The following ACOX3 variants were observed in gnomAD, a reference collection of about 807,000 sequenced individuals.
The protein encoded by ACOX3 is peroxisomal acyl-coenzyme A oxidase 3.
ACOX3 carries 73 observed loss-of-function variants against 81.5 expected under a neutral mutation model. The ratio of observed to expected loss-of-function variants is 0.90; its 90% CI spans 0.74 to 1.09. The LOEUF (loss-of-function observed/expected upper bound fraction) is 1.09, where lower values mean the gene tolerates loss of function less well. Ranked by LOEUF, ACOX3 falls within the 50% of genes least tolerant of loss-of-function variation. The pLI is 0.00. For missense variants in ACOX3, 947 were observed against 928.0 expected (o/e 1.02, Z -0.27); for synonymous variants, 387 against 375.1 (o/e 1.03, Z -0.37).
intron 1 of ACOX3, among the ~76,000 whole-genome samples, chr4:8,426,322 C>G (rs1205829591): frequency 6.6e-6 from 1 of 151,982 alleles, no homozygotes; most frequent in Non-Finnish European, 1.5e-5. Flanking sequence ...TTTTATCTAC[C>G]CTGAGTGCAG....
intron 5 of ACOX3, among the ~76,000 whole-genome samples, chr4:8,410,719 T>C (rs1198155760): frequency 2.0e-5 from 3 of 152,220 alleles, no homozygotes; most frequent in African/African-American, 7.2e-5. Flanking sequence ...GTCTGTGCCC[T>C]GTGGGCAGGG....
chr4:8,396,983 C>A lies in ACOX3; in HGVS notation c.1010G>T (p.Gly337Val). ...TGGTATTTCCTCCTCCTCTGTGGGT[C>A]CAAACTGACGCCGAGTGGCTGAGAA... is the stretch of plus-strand genomic sequence containing the variant. Reference protein sequence around the residue: ...LRFSATRRQFGPTEEEEIPVL... With the variant: ...LRFSATRRQFVPTEEEEIPVL... Residue 337 changes from glycine (G) to valine (V), a missense_variant, in exon 9 of 18, where the codon GGA becomes GTA. By Grantham distance (109) the Gly-to-Val change is moderately radical. Coordinates refer to ENST00000356406, the MANE Select transcript of ACOX3 (RefSeq NM_003501.3). 1 of 1,612,052 alleles carries A rather than the reference C, an allele frequency of 6.2e-7. No individual in the cohort carries two copies. Among genetic ancestry groups the A allele is most frequent in the Non-Finnish European group, 8.5e-7 (1 of 1,179,230 alleles).
chr4:8,377,501 C>T (rs1004513189), intron 14 of ACOX3, among the ~76,000 whole-genome samples: 1 of 152,220 alleles, frequency 6.6e-6, no homozygotes, highest in Non-Finnish European at 1.5e-5. Flanking sequence ...GTCATGGCTC[C>T]AAGCCTCAGC....
chr4:8,395,828 T>C (rs563470287), intron 9 of ACOX3, among the ~76,000 whole-genome samples: 3 of 152,062 alleles, frequency 2.0e-5, no homozygotes, highest in Admixed American at 2.0e-4. Flanking sequence ...TCAAAGGATG[T>C]GGACAGAAAC....
Position 8,405,820 on chromosome 4 carries a change from C to T in ACOX3, c.776+135G>A, listed in dbSNP as rs879550635. On this transcript the variant is annotated intron_variant, in intron 7 of 17. Coordinates refer to ENST00000356406, the MANE Select transcript of ACOX3 (RefSeq NM_003501.3). This position sits in a 1 kb window ranked among gnomAD's most constrained non-coding sequence, Gnocchi z 7.1. ...GGCCAGTGCATGCACGGGGGCTAGG[C>T]GTAGGTCCCCACCGCATTTGAGTCT... is the stretch of plus-strand genomic sequence containing the variant. 3.8e-5 allele frequency: 34 copies of T among 894,906 alleles called. No homozygotes were observed. The highest frequency in any genetic ancestry group is 2.4e-4 in the East Asian group (10 of 41,456). The allele number at this position is 894,906 out of a possible 1,614,324, so 55.4% of individuals were successfully genotyped here.
intron 3 of ACOX3, among the ~76,000 whole-genome samples, chr4:8,415,455 G>GT (rs1374273813): frequency 2.7e-5 from 4 of 146,278 alleles, no homozygotes; most frequent in East Asian, 2.0e-4. Flanking sequence ...TTTGTATGAG[G>GT]TAAAAAAAAA....
the ACOX3 span, chr4:8,358,193 C>G: frequency 6.6e-6 from 1 of 152,184 alleles, no homozygotes; most frequent in African/African-American, 2.4e-5. Context: ...GCAAAGCTGT[C>G]TCTCATGGGG....
chr4:8,357,472 T>A, the ACOX3 span: 8 of 341,334 alleles, frequency 2.3e-5, 1 homozygote, highest in Non-Finnish European at 3.5e-5. Context: ...TGATATCTAT[T>A]TTCATCTTTA....
rs1388539893 is a variant in ACOX3, at chr4:8,416,907, C to G, written c.-14-372G>C. 1.3e-5 allele frequency among the ~76,000 whole-genome samples: 2 copies of G among 152,226 alleles called. No homozygotes were observed. The highest frequency in any genetic ancestry group is 2.4e-5 in the African/African-American group (1 of 41,460). ...CATCCAGACTCATCCCCAAGGCTCA[C>G]TAAACCCAGGGTCAGGAAGCATTCC... On this transcript the variant is annotated intron_variant, in intron 1 of 17. Transcript: ENST00000356406. This position sits in a 1 kb window ranked among gnomAD's most constrained non-coding sequence, Gnocchi z 4.2.
At position 8,389,411 on chromosome 4, in the gene ACOX3, G is replaced by T. The variant is rs761655620; in HGVS notation, c.1424-125C>A. ...ACCCGACGGCCACAGACCCACAGGC[G>T]AGGGTCTGGGTCTCAAGGACCCTCC... On this transcript the variant is annotated intron_variant, in intron 12 of 17. Coordinates refer to ENST00000356406, the MANE Select transcript of ACOX3 (RefSeq NM_003501.3). The surrounding 1 kb of genome is among the most constrained non-coding windows in gnomAD (Gnocchi z 5.3). 1.2e-4 allele frequency: 145 copies of T among 1,257,114 alleles called. No individual in the cohort carries two copies. The highest frequency in any genetic ancestry group is 1.5e-4 in the Non-Finnish European group (132 of 905,740). 77.9% of individuals were successfully genotyped at this position (1,257,114 alleles called of 1,614,324 possible).
At chr4:8,402,169 C>G (rs1720441291) in intron 7 of ACOX3, among the ~76,000 whole-genome samples, 1 of 152,266 alleles carries the variant, frequency 6.6e-6, no homozygotes, top group Non-Finnish European at 1.5e-5. Flanking sequence ...ACAGTTTCCA[C>G]ACTACCAGGA....
the ACOX3 span, chr4:8,357,273 G>A: frequency 4.4e-6 from 2 of 456,706 alleles, no homozygotes; most frequent in Admixed American, 2.3e-5. Flanking sequence ...GGAGACGGGG[G>A]CCCTCGAGGG....
At chr4:8,355,425 A>G in the ACOX3 span, 4 of 152,278 alleles carry the variant, frequency 2.6e-5, no homozygotes, top group Admixed American at 1.3e-4. Flanking sequence ...TAAACAGTGC[A>G]GACACAGGTC....
intron 5 of ACOX3, among the ~76,000 whole-genome samples, chr4:8,411,844 T>C (rs527732643): frequency 6.2e-4 from 94 of 152,310 alleles, no homozygotes; most frequent in African/African-American, 2.1e-3. Context: ...AGCCCAGTCT[T>C]GGAAAGCTGT....
chr4:8,373,520 G>GTA, intron 16 of ACOX3, 41 bp downstream of exon 16: 1 of 1,606,740 alleles, frequency 6.2e-7, no homozygotes, highest in Admixed American at 1.7e-5. Flanking sequence ...GGGCGGTTGT[G>GTA]TAACATGGAT....
intron 1 of ACOX3, among the ~76,000 whole-genome samples, chr4:8,417,666 T>G (rs1373468684): frequency 2.0e-5 from 3 of 152,202 alleles, no homozygotes; most frequent in Non-Finnish European, 4.4e-5. Context: ...AATTATTTCC[T>G]TCCTTCTTAA....
chr4:8,440,364 G>A (rs1237742112), intron 1 of ACOX3, among the ~76,000 whole-genome samples: 1 of 152,214 alleles, frequency 6.6e-6, no homozygotes, highest in Non-Finnish European at 1.5e-5. Context: ...ATGGGACAAC[G>A]TTACATCATT....
rs1720924241 is a variant in ACOX3 at position 8,406,121 on chromosome 4, C to A, written c.688-78G>T. The A allele has an allele frequency of 2.1e-6, 3 of 1,444,806 alleles. No homozygotes were observed. The highest frequency in any genetic ancestry group is 1.9e-6 in the Non-Finnish European group (2 of 1,030,634). The allele number at this position is 1,444,806 out of a possible 1,614,324, so 89.5% of individuals were successfully genotyped here. A position where few individuals can be genotyped will look rare whatever the true frequency, so the allele number is the denominator to read the frequency against. On this transcript the variant is annotated intron_variant, in intron 6 of 17. Transcript: ENST00000356406. This position sits in a 1 kb window ranked among gnomAD's most constrained non-coding sequence, Gnocchi z 5.6. ...ATCAAAACAAATGTGTTCAGAAACC[C>A]ACAGGGTGGGCCATGGGCTCAACGC...
At chr4:8,436,833 C>G (rs1291415907) in intron 1 of ACOX3, among the ~76,000 whole-genome samples, 2 of 143,994 alleles carry the variant, frequency 1.4e-5, no homozygotes, top group Non-Finnish European at 3.0e-5. Context: ...AAAAAAAAAA[C>G]ACAAAAAAAT....
Sources: gnomAD v4.1 joint callset for allele counts (sites outside exome capture counted in the v4.1 genomes callset) on GRCh38, gnomAD v4.1.1 for gene constraint, Gnocchi (gnomAD v3.1) non-coding constraint, MANE v1.5 for transcripts, NCBI Gene and HGNC (gene_info 2026-07-23, HGNC 2026-07-21) for gene names.